Variants in UPB1 observed in about 807,000 individuals in gnomAD.
UPB1 encodes beta-ureidopropionase 1, also known as beta-ureidopropionase.
In UPB1, 40 loss-of-function variants were observed where a neutral mutation model predicts 49.1. The observed-to-expected ratio is 0.81, with a 90% CI of 0.63 to 1.06. The LOEUF (loss-of-function observed/expected upper bound fraction) is 1.06, where lower values mean the gene tolerates loss of function less well. UPB1 is among the 50% of genes least tolerant of loss of function. UPB1 has a pLI of 0.00. For synonymous variants in UPB1, 207 were observed against 198.2 expected, an observed-to-expected ratio of 1.04 and a Z score of -0.38; for missense variants, 499 against 505.9, an observed-to-expected ratio of 0.99 and a Z score of 0.13.
At chr22:24,495,676 C>CT (rs1338865876) in intron 1 of UPB1, among the ~76,000 whole-genome samples, 169 bp downstream of exon 1, 2 of 152,074 alleles carry the variant, frequency 1.3e-5, no homozygotes, top group African/African-American at 4.8e-5. Flanking sequence ...CCCCGGGGTC[C>CT]TTGGGGGTTG....
At chr22:24,517,912 C>A (rs1049394275) in intron 6 of UPB1, among the ~76,000 whole-genome samples, 3 of 152,196 alleles carry the variant, frequency 2.0e-5, no homozygotes, top group African/African-American at 7.2e-5. Flanking sequence ...CATTTGTAAT[C>A]CCAGCCCTTT....
chr22:24,525,703 G>C lies in UPB1; in HGVS notation c.1072-8G>C, dbSNP rs1321888703. On this transcript the variant is annotated splice_polypyrimidine_tract_variant and splice_region_variant and intron_variant, in intron 9 of 9. Transcript: ENST00000326010. ...AACCTCTAAAGTACATCTGTGTTTT[G>C]CTTTCAGATGACGGGCAGGTATGAG... 1 of 1,614,120 alleles carries C rather than the reference G, an allele frequency of 6.2e-7. No homozygotes were observed. The highest frequency in any genetic ancestry group is 8.5e-7 in the Non-Finnish European group (1 of 1,179,994).
chr22:24,511,618 A>ATATT (rs1280628896), intron 4 of UPB1, among the ~76,000 whole-genome samples: 57 of 122,550 alleles, frequency 4.7e-4, no homozygotes, highest in African/African-American at 1.6e-3. Context: ...ATATATATAT[A>ATATT]TTTTTTTTTT....
At chr22:24,497,493 C>T (rs748730731) in intron 1 of UPB1, among the ~76,000 whole-genome samples, 3 of 152,224 alleles carry the variant, frequency 2.0e-5, no homozygotes, top group Admixed American at 6.5e-5. Flanking sequence ...TTGGTGTCCT[C>T]TGGCAAGGTC....
intron 3 of UPB1, among the ~76,000 whole-genome samples, chr22:24,505,203 C>A (rs1021153469): frequency 6.6e-6 from 1 of 152,096 alleles, no homozygotes; most frequent in Non-Finnish European, 1.5e-5. Context: ...ATCATGGTTG[C>A]GATATCTTCT....
At chr22:24,499,237 G>T (rs1419655293) in intron 1 of UPB1, among the ~76,000 whole-genome samples, 1 of 152,192 alleles carries the variant, frequency 6.6e-6, no homozygotes, top group African/African-American at 2.4e-5. Flanking sequence ...ATTTAAAGTA[G>T]GAGAGAAATA....
chr22:24,518,470 G>A (rs1035136748), intron 6 of UPB1: 1 of 152,232 alleles, frequency 6.6e-6, no homozygotes, highest in Non-Finnish European at 1.5e-5. Context: ...TATTAAGATG[G>A]TAGGATCCTG....
chr22:24,504,723 C>CTTTTTTTTTTTT (rs35606558), intron 3 of UPB1, among the ~76,000 whole-genome samples: 1 of 91,758 alleles, frequency 1.1e-5, no homozygotes, highest in Non-Finnish European at 2.0e-5. Context: ...GTATTTCCTC[C>CTTTTTTTTTTTT]TTTTTTTTTT....
chr22:24,514,117 C>T (rs1288587914), intron 5 of UPB1, among the ~76,000 whole-genome samples: 1 of 152,108 alleles, frequency 6.6e-6, no homozygotes, highest in Non-Finnish European at 1.5e-5. Context: ...ATGACCTCTG[C>T]CTAATGCCTA....
intron 8 of UPB1, among the ~76,000 whole-genome samples, chr22:24,523,206 C>T (rs1308074132): frequency 6.6e-6 from 1 of 152,188 alleles, no homozygotes; most frequent in Non-Finnish European, 1.5e-5. Flanking sequence ...GCTGCTAGTC[C>T]TCCCTGACTG....
intron 3 of UPB1, among the ~76,000 whole-genome samples, chr22:24,505,930 C>G (rs1275403619): frequency 2.6e-5 from 4 of 151,358 alleles, no homozygotes; most frequent in Admixed American, 2.0e-4. Context: ...CCAGGCTGGT[C>G]TCGAACTCCT....
intron 6 of UPB1, among the ~76,000 whole-genome samples, chr22:24,517,348 G>C (rs1157564184): frequency 6.6e-6 from 1 of 152,186 alleles, no homozygotes; most frequent in Non-Finnish European, 1.5e-5. Flanking sequence ...TTGTCAGTAG[G>C]GTTTTTACTG....
At position 24,523,649 on chromosome 22, in the gene UPB1, C is replaced by T. The variant is rs532599738; in HGVS notation, c.947C>T (p.Ser316Leu). The change falls in exon 9 of 10, where the codon TCG becomes TTG. Residue 316 changes from serine (S) to leucine (L), a missense_variant. Physicochemically the swap from Ser to Leu is moderately radical, Grantham distance 145. Transcript: ENST00000326010. ...CAGGACTTTGGCTACTTTTATGGCT[C>T]GAGCTATGTGGCAGCCCCTGACAGC... ...AHQDFGYFYG[S>L]SYVAAPDSSR... 7 of 1,614,256 alleles carry T rather than the reference C, an allele frequency of 4.3e-6. No individual in the cohort carries two copies. The highest frequency in any genetic ancestry group is 2.7e-5 in the African/African-American group (2 of 75,068).
At chr22:24,514,254 T>G (rs1167227975) in intron 5 of UPB1, among the ~76,000 whole-genome samples, 1 of 151,928 alleles carries the variant, frequency 6.6e-6, no homozygotes, top group South Asian at 2.1e-4. Context: ...AGAAATGGCC[T>G]GCAGAGCTAG....
intron 4 of UPB1, among the ~76,000 whole-genome samples, chr22:24,511,059 T>A (rs2044191474): frequency 6.6e-6 from 1 of 152,130 alleles, no homozygotes; most frequent in African/African-American, 2.4e-5. Context: ...ATTAGCTTTT[T>A]CAGGCAAGGG....
In UPB1 at chr22:24,515,285, C is replaced by T. The variant is rs144135211; in HGVS notation, c.706C>T (p.Arg236Trp). 2.4e-5 allele frequency: 38 copies of T among 1,614,136 alleles called. No homozygotes were observed. The highest frequency in any genetic ancestry group is 1.6e-4 in the East Asian group (7 of 44,854). Reference protein sequence around the residue: ...GRIAVNICYGRHHPLNWLMYS... With the variant: ...GRIAVNICYGWHHPLNWLMYS... ...GATCGCGGTGAACATTTGCTACGGGCGGCACCACCCCCTCAACTGGCTTAT... is the reference window on the plus strand; with the variant it reads ...GATCGCGGTGAACATTTGCTACGGGTGGCACCACCCCCTCAACTGGCTTAT... The change falls in exon 6 of 10, where the codon CGG becomes TGG. Residue 236 changes from arginine to tryptophan, a missense_variant. Coordinates refer to ENST00000326010, the MANE Select transcript of UPB1 (RefSeq NM_016327.3).
Position 24,522,150 on chromosome 22 carries a change from G to A in UPB1, c.916+122G>A, listed in dbSNP as rs1034045158. On this transcript the variant is annotated intron_variant, in intron 8 of 9. Transcript: ENST00000326010. ...ACATCTGCATGCCTGGCACCTAGGA[G>A]GAGGCGCCAATTCCTCTCTGCTTTA... is the stretch of plus-strand genomic sequence containing the variant. The A allele has an allele frequency of 1.1e-4, 131 of 1,184,200 alleles. 1 individual carries two copies. Among genetic ancestry groups the A allele is most frequent in the Non-Finnish European group, 1.4e-4 (113 of 811,898 alleles). 73.4% of individuals were successfully genotyped at this position (1,184,200 alleles called of 1,614,324 possible). A position where few individuals can be genotyped will look rare whatever the true frequency, so the allele number is the denominator to read the frequency against.
intron 6 of UPB1, chr22:24,520,035 AG>A (rs1226421499): frequency 5.5e-6 from 2 of 365,204 alleles, no homozygotes; most frequent in Non-Finnish European, 1.1e-5. Flanking sequence ...TCTTCTTTTG[AG>A]GACATTTCAG....
chr22:24,519,893 C>A, intron 6 of UPB1: 1 of 249,808 alleles, frequency 4.0e-6, no homozygotes, highest in Non-Finnish European at 8.0e-6. Flanking sequence ...CGGCTCCCTT[C>A]TGGCATTCAC....
Sources: allele counts gnomAD v4.1 joint callset (sites outside exome capture counted in the v4.1 genomes callset), GRCh38; gene constraint gnomAD v4.1.1; transcripts MANE v1.5; gene names NCBI Gene and HGNC (gene_info 2026-07-23, HGNC 2026-07-21).